B4GALNT3: variants seen among roughly 807,000 people sequenced by gnomAD.
B4GALNT3 encodes beta-1,4-N-acetylgalactosaminyltransferase 3.
In B4GALNT3, 86 loss-of-function variants were observed where a neutral mutation model predicts 120.2. The ratio of observed to expected loss-of-function variants is 0.72; its 90% CI spans 0.60 to 0.86. The LOEUF (loss-of-function observed/expected upper bound fraction) is 0.86. Ranked by LOEUF, B4GALNT3 falls within the 40% of genes least tolerant of loss-of-function variation. B4GALNT3 has a pLI of 0.00. For missense variants in B4GALNT3, 1,167 were observed against 1,298.9 expected (o/e 0.90, Z 1.56); for synonymous variants, 518 against 510.4 (o/e 1.01, Z -0.20).
chr12:511,441 TCCAC>T (rs1565597891), intron 1 of B4GALNT3, among the ~76,000 whole-genome samples: 2,614 of 69,244 alleles, frequency 0.038, 221 homozygotes, highest in East Asian at 0.13. Context: ...TCTTCCACCT[TCCAC>T]CTTCCACCTT....
intron 1 of B4GALNT3, among the ~76,000 whole-genome samples, chr12:496,433 C>G (rs1946388107): frequency 6.6e-6 from 1 of 152,048 alleles, no homozygotes; most frequent in Non-Finnish European, 1.5e-5. Flanking sequence ...AACCCCGTAT[C>G]TACTAAAAAT....
In B4GALNT3 at chr12:460,381, G is replaced by A. The variant is rs766979963; in HGVS notation, c.5G>A (p.Gly2Glu). The A allele has an allele frequency of 1.8e-4, 256 of 1,431,730 alleles. No homozygotes were observed. The South Asian group carries it at 3.3e-3, about 18-fold the overall frequency. The allele number at this position is 1,431,730 out of a possible 1,614,324, so 88.7% of individuals were successfully genotyped here. MGSPRAARPPLL... is the reference protein window; with the variant it reads MESPRAARPPLL... ...CGGCCGCCTCGGCGCAGCGCCATGGGGAGCCCCCGGGCCGCGCGGCCCCCG... is the reference window on the plus strand; with the variant it reads ...CGGCCGCCTCGGCGCAGCGCCATGGAGAGCCCCCGGGCCGCGCGGCCCCCG... The change falls in exon 1 of 20, where the codon GGG becomes GAG. Residue 2 changes from glycine to glutamate, a missense_variant. By Grantham distance (98) the Gly-to-Glu change is moderately conservative. Coordinates refer to ENST00000266383, the MANE Select transcript of B4GALNT3 (RefSeq NM_173593.4). This position sits in a 1 kb window ranked among gnomAD's most constrained non-coding sequence, Gnocchi z 8.0.
At chr12:477,120 C>G (rs1479337339) in intron 1 of B4GALNT3, among the ~76,000 whole-genome samples, 2 of 152,196 alleles carry the variant, frequency 1.3e-5, no homozygotes, top group South Asian at 2.1e-4. Flanking sequence ...TTATAGGACT[C>G]CTGGTGCCTA....
intron 1 of B4GALNT3, among the ~76,000 whole-genome samples, chr12:470,391 A>G (rs543369015): frequency 3.8e-4 from 58 of 152,352 alleles, no homozygotes; most frequent in African/African-American, 1.2e-3. Context: ...GTTCAAACGA[A>G]TGTGTGCAGT....
At chr12:525,539 A>G (rs1313907180) in intron 1 of B4GALNT3, among the ~76,000 whole-genome samples, 1 of 151,634 alleles carries the variant, frequency 6.6e-6, no homozygotes, top group Non-Finnish European at 1.5e-5. Flanking sequence ...TCTTTTTCCA[A>G]TCTTCAGTTT....
At chr12:512,528 C>A (rs1946596347) in intron 1 of B4GALNT3, among the ~76,000 whole-genome samples, 1 of 144,590 alleles carries the variant, frequency 6.9e-6, no homozygotes. Context: ...CTTCGACCTT[C>A]TTCCACCTTC....
chr12:466,941 C>G (rs1946086966), intron 1 of B4GALNT3, among the ~76,000 whole-genome samples: 1 of 151,958 alleles, frequency 6.6e-6, no homozygotes, highest in Non-Finnish European at 1.5e-5. Flanking sequence ...GTGTTGGGAG[C>G]ACCACGATGA....
chr12:468,187 T>C (rs1565586249), intron 1 of B4GALNT3, among the ~76,000 whole-genome samples: 3 of 152,108 alleles, frequency 2.0e-5, no homozygotes, highest in Admixed American at 6.5e-5. Flanking sequence ...CATACAAATA[T>C]GAAGAAGAAA....
At chr12:500,201 T>C (rs1224574959) in intron 1 of B4GALNT3, among the ~76,000 whole-genome samples, 1 of 152,114 alleles carries the variant, frequency 6.6e-6, no homozygotes, top group Non-Finnish European at 1.5e-5. Context: ...TGGAGTACAG[T>C]GGAGCAATCA....
Position 546,663 on chromosome 12 carries a change from C to T in B4GALNT3, c.657C>T (p.Thr219=). Residue 219 remains threonine, a synonymous_variant, in exon 7 of 20, where the codon ACC becomes ACT. Coordinates refer to ENST00000266383, the MANE Select transcript of B4GALNT3 (RefSeq NM_173593.4). The stretch of plus-strand genomic sequence containing the variant: ...ACCTCTAGACTGGAAAGGAGTGGAC[C>T]GCCCCGGGAGAGTTTGGGAAATTTC... The part of the protein sequence containing the change: ...ASVGKTGKEW[T]APGEFGKFRS... 4 of 1,551,550 alleles carry T rather than the reference C, an allele frequency of 2.6e-6. No homozygotes were observed. Among genetic ancestry groups the T allele is most frequent in the East Asian group, 2.4e-5 (1 of 40,920 alleles).
chr12:552,002 T>C, intron 11 of B4GALNT3, 61 bp from the exon 12 acceptor site: 1 of 1,324,560 alleles, frequency 7.5e-7, no homozygotes, highest in Non-Finnish European at 1.1e-6. Flanking sequence ...TAACCCTGGC[T>C]GGCTGATTTC....
chr12:557,263 G>T (rs1177087993), intron 15 of B4GALNT3, among the ~76,000 whole-genome samples: 1 of 152,176 alleles, frequency 6.6e-6, no homozygotes, highest in South Asian at 2.1e-4. Flanking sequence ...GAGGTAGGAT[G>T]ATGGGGATAG....
At chr12:555,702 C>T (rs998524999) in intron 14 of B4GALNT3, among the ~76,000 whole-genome samples, 4 of 152,240 alleles carry the variant, frequency 2.6e-5, no homozygotes, top group Non-Finnish European at 5.9e-5. Flanking sequence ...TTCCCATCAG[C>T]AGGGTATGAA....
At position 541,288 on chromosome 12, in the gene B4GALNT3, G is replaced by C. The variant is rs147387606; in HGVS notation, c.352-3051G>C. 1.7e-3 allele frequency among the ~76,000 whole-genome samples: 265 copies of C among 152,322 alleles called. 1 individual carries two copies. The highest frequency in any genetic ancestry group is 6.0e-3 in the African/African-American group (249 of 41,568). On this transcript the variant is annotated intron_variant, in intron 3 of 19. Coordinates refer to ENST00000266383, the MANE Select transcript of B4GALNT3 (RefSeq NM_173593.4). ...TTGGGGAGTCAGTTTACCTCTCTGA[G>C]CTTCAATGTCCTCACCCTTAAAATG...
chr12:479,734 A>G (rs1164074399), intron 1 of B4GALNT3, among the ~76,000 whole-genome samples: 1 of 152,130 alleles, frequency 6.6e-6, no homozygotes, highest in Non-Finnish European at 1.5e-5. Context: ...GCCACGTTGT[A>G]GAATCATAGA....
At chr12:544,840 C>T (rs1946972006) in intron 4 of B4GALNT3, 42 bp from the exon 5 acceptor site, 1 of 1,594,444 alleles carries the variant, frequency 6.3e-7, no homozygotes, top group Non-Finnish European at 8.6e-7. Context: ...GTTTCCTTTT[C>T]CCTCTTCTGG....
At chr12:556,996 C>G in intron 15 of B4GALNT3, 130 bp downstream of exon 15, 1 of 989,658 alleles carries the variant, frequency 1.0e-6, no homozygotes, top group South Asian at 1.8e-5. Context: ...GTTGAGGAAA[C>G]TGAGGCTCAC....
intron 1 of B4GALNT3, among the ~76,000 whole-genome samples, chr12:509,323 T>C (rs1179026508): frequency 6.6e-6 from 1 of 152,154 alleles, no homozygotes; most frequent in Non-Finnish European, 1.5e-5. Context: ...GAAGGTGGCC[T>C]GGAGCCACTG....
intron 1 of B4GALNT3, among the ~76,000 whole-genome samples, chr12:512,539 A>C (rs1334448319): frequency 1.2e-3 from 56 of 46,218 alleles, no homozygotes; most frequent in East Asian, 1.4e-3. Context: ...TTCCACCTTC[A>C]ACCTTCCACC....
Sources: gnomAD v4.1 joint callset for allele counts (sites outside exome capture counted in the v4.1 genomes callset) on GRCh38, gnomAD v4.1.1 for gene constraint, Gnocchi (gnomAD v3.1) non-coding constraint, MANE v1.5 for transcripts, NCBI Gene and HGNC (gene_info 2026-07-23, HGNC 2026-07-21) for gene names.